The following INO80 variants were observed in gnomAD, a reference collection of about 807,000 sequenced individuals.
The protein encoded by INO80 is chromatin-remodeling ATPase INO80.
Under a neutral mutation model 203.4 loss-of-function variants are expected in INO80, and 20 were observed. The observed-to-expected ratio is 0.10, with a 90% CI of 0.07 to 0.14. The LOEUF (loss-of-function observed/expected upper bound fraction) is 0.14, where lower values mean the gene tolerates loss of function less well. Ranked by LOEUF, INO80 falls within the 10% of genes least tolerant of loss-of-function variation. The probability of loss-of-function intolerance (pLI) is 1.00; values close to 1 mark genes in which losing one functional copy is unlikely to be tolerated. For synonymous variants in INO80, 726 were observed against 685.2 expected, an observed-to-expected ratio of 1.06 and a Z score of -0.93; for missense variants, 1,419 against 1,914.4, an observed-to-expected ratio of 0.74 and a Z score of 4.83.
intron 2 of INO80, 32 bp downstream of exon 2, chr15:41,096,136 G>T: frequency 6.4e-7 from 1 of 1,564,724 alleles, no homozygotes; most frequent in South Asian, 1.2e-5. Context: ...CAGGAATTTG[G>T]TAAAACATAT....
rs2044286163 is a variant in INO80 at position 41,021,014 on chromosome 15, C to T, written c.3160G>A (p.Ala1054Thr). The change falls in exon 26 of 36, where the codon GCC becomes ACC. Residue 1054 changes from alanine (A) to threonine (T), a missense_variant. By Grantham distance (58) the Ala-to-Thr change is moderately conservative. Around this residue, in one of 9 missense-constraint regions of INO80, gnomAD observed 302 missense variants for 345.4 expected, o/e 0.87. Transcript: ENST00000648947. ...AGCCAGTCTGCAGCCAGTTCAGGGGCCCCATTCAACAAACACTGCTTGGCT... is the reference window on the plus strand; with the variant it reads ...AGCCAGTCTGCAGCCAGTTCAGGGGTCCCATTCAACAAACACTGCTTGGCT... The part of the protein sequence containing the change: ...LAAKQCLLNG[A>T]PELAADWLNR... The T allele has an allele frequency of 6.2e-7, 1 of 1,613,878 alleles. No homozygotes were observed. The highest frequency in any genetic ancestry group is 8.5e-7 in the Non-Finnish European group (1 of 1,179,870).
At chr15:41,078,224 A>G (rs1050536708) in intron 9 of INO80, among the ~76,000 whole-genome samples, 5 of 152,144 alleles carry the variant, frequency 3.3e-5, no homozygotes, top group Admixed American at 3.3e-4. Context: ...ACCCTAAAGA[A>G]GTTAACTACC....
At chr15:41,012,904 G>A (rs975512029) in intron 27 of INO80, 1 of 152,070 alleles carries the variant, frequency 6.6e-6, no homozygotes, top group Non-Finnish European at 1.5e-5. Flanking sequence ...TTTACCCAAG[G>A]GAAAAAGGAA....
At chr15:41,040,419 A>G (rs189597097) in intron 24 of INO80, among the ~76,000 whole-genome samples, 17 of 152,342 alleles carry the variant, frequency 1.1e-4, no homozygotes, top group African/African-American at 3.8e-4. Flanking sequence ...GAAACTGACC[A>G]ACACATATAT....
intron 24 of INO80, among the ~76,000 whole-genome samples, chr15:41,039,100 C>G (rs1329820222): frequency 6.6e-6 from 1 of 152,190 alleles, no homozygotes; most frequent in Non-Finnish European, 1.5e-5. Context: ...AAATCCTTAA[C>G]TTGGAATTAT....
At chr15:41,106,110 T>C (rs565949555) in intron 1 of INO80, among the ~76,000 whole-genome samples, 6 of 151,992 alleles carry the variant, frequency 3.9e-5, no homozygotes, top group African/African-American at 1.4e-4. Flanking sequence ...ATAGAAAACT[T>C]TGGCCAACCG....
chr15:41,035,545 G>A (rs1023040398), intron 24 of INO80, among the ~76,000 whole-genome samples: 2 of 151,728 alleles, frequency 1.3e-5, no homozygotes, highest in African/African-American at 4.8e-5. Flanking sequence ...AAAAAGACCG[G>A]GCGCGGTGGC....
chr15:41,063,890 CAATA>C (rs1448511642), intron 14 of INO80, among the ~76,000 whole-genome samples: 1 of 152,008 alleles, frequency 6.6e-6, no homozygotes, highest in Non-Finnish European at 1.5e-5. Flanking sequence ...TAAAGAAAAA[CAATA>C]TATATCAGAA....
chr15:41,068,643 A>G (rs1432861441), intron 14 of INO80, among the ~76,000 whole-genome samples: 1 of 151,980 alleles, frequency 6.6e-6, no homozygotes, highest in Non-Finnish European at 1.5e-5. Context: ...GGATCACCTG[A>G]GGTCAAGAGT....
intron 24 of INO80, among the ~76,000 whole-genome samples, chr15:41,038,192 T>G (rs2044612135): frequency 6.6e-6 from 1 of 151,458 alleles, no homozygotes; most frequent in Non-Finnish European, 1.5e-5. Flanking sequence ...TTTTTTTTAT[T>G]TTTAGTAGAG....
At chr15:40,981,086 A>G (rs930114655) in intron 35 of INO80, among the ~76,000 whole-genome samples, 3 of 152,234 alleles carry the variant, frequency 2.0e-5, no homozygotes, top group African/African-American at 7.2e-5. Flanking sequence ...GTGATAACAC[A>G]TTGATTCTTC....
At chr15:41,108,212 C>A (rs1031754927) in intron 1 of INO80, among the ~76,000 whole-genome samples, 1 of 152,118 alleles carries the variant, frequency 6.6e-6, no homozygotes, top group Non-Finnish European at 1.5e-5. Flanking sequence ...GTAACTTTAA[C>A]TGAATTAAAT....
At chr15:41,040,992 A>G (rs754979552) in intron 24 of INO80, among the ~76,000 whole-genome samples, 14 of 152,230 alleles carry the variant, frequency 9.2e-5, no homozygotes, top group Admixed American at 2.6e-4. Flanking sequence ...TCATTTTCAC[A>G]GGAGAAATTT....
chr15:41,105,314 G>T (rs772404513), intron 1 of INO80, among the ~76,000 whole-genome samples: 2 of 152,166 alleles, frequency 1.3e-5, no homozygotes, highest in Non-Finnish European at 2.9e-5. Flanking sequence ...AGAATTCCAA[G>T]TGGGGATCCA....
At chr15:40,993,749 ACT>A (rs1350608272) in intron 29 of INO80, among the ~76,000 whole-genome samples, 10 of 148,628 alleles carry the variant, frequency 6.7e-5, no homozygotes, top group African/African-American at 2.0e-4. Flanking sequence ...ACAGAGCAAG[ACT>A]CTGTCTCAAA....
intron 24 of INO80, among the ~76,000 whole-genome samples, chr15:41,044,558 T>A (rs535783100): frequency 2.4e-4 from 37 of 152,282 alleles, no homozygotes; most frequent in African/African-American, 8.7e-4. Flanking sequence ...TTTTCTAAAC[T>A]AGAGCTACTA....
At chr15:41,067,350 A>T (rs1364471188) in intron 14 of INO80, among the ~76,000 whole-genome samples, 5 of 152,136 alleles carry the variant, frequency 3.3e-5, no homozygotes, top group Admixed American at 2.0e-4. Context: ...CTGAGATTAC[A>T]GGCATGAGCC....
intron 5 of INO80, among the ~76,000 whole-genome samples, chr15:41,089,985 T>C (rs906856262): frequency 2.6e-5 from 4 of 152,106 alleles, no homozygotes; most frequent in Non-Finnish European, 5.9e-5. Context: ...AAGTATATAA[T>C]GAAGAGAAAC....
rs199625495 is a variant in INO80 at position 41,045,870 on chromosome 15, C to T, written c.2736-795G>A. Among the ~76,000 whole-genome samples the T allele has an allele frequency of 5.3e-5, 8 of 150,144 alleles. No individual in the cohort carries two copies. In the East Asian group the frequency reaches 1.6e-3, roughly 30 times the overall value. On this transcript the variant is annotated intron_variant, in intron 23 of 35. Coordinates refer to ENST00000648947, the MANE Select transcript of INO80 (RefSeq NM_017553.3). Reference sequence around the variant, plus strand: ...GAGCCAAAATCGAGCCACTGCACTCCAACCTAGGCGACCGAGTGAGACTTC... The same window carrying T: ...GAGCCAAAATCGAGCCACTGCACTCTAACCTAGGCGACCGAGTGAGACTTC...
Sources: allele counts gnomAD v4.1 joint callset (sites outside exome capture counted in the v4.1 genomes callset), GRCh38; gene constraint gnomAD v4.1.1; regional missense constraint gnomAD v4.1.1; transcripts MANE v1.5; gene names NCBI Gene and HGNC (gene_info 2026-07-23, HGNC 2026-07-21).